The following SCMH1 variants were observed in gnomAD, a reference collection of about 807,000 sequenced individuals.
SCMH1 encodes Scm polycomb group protein homolog 1, also known as polycomb protein SCMH1.
Under a neutral mutation model 70.8 loss-of-function variants are expected in SCMH1, and 37 were observed. The observed-to-expected ratio is 0.52, with a 90% CI of 0.40 to 0.69. The LOEUF is 0.69. Among genes scored for constraint, SCMH1 ranks in the 30% least tolerant of loss-of-function variants. The pLI is 0.00. For synonymous variants in SCMH1, 292 were observed against 307.4 expected (o/e 0.95, Z 0.52); for missense variants, 607 against 827.3 (o/e 0.73, Z 3.27).
chr1:41,144,322 A>T (rs1305985262), intron 5 of SCMH1, among the ~76,000 whole-genome samples: 5 of 152,052 alleles, frequency 3.3e-5, no homozygotes, highest in African/African-American at 1.2e-4. Flanking sequence ...GGATTTACCT[A>T]TTCTGGACAT....
chr1:41,186,342 T>A (rs1650188187), intron 1 of SCMH1, 92 bp from the exon 2 acceptor site: 1 of 391,126 alleles, frequency 2.6e-6, no homozygotes, highest in South Asian at 4.8e-5. Context: ...GGCTACATTA[T>A]AAGAAAAGTA....
chr1:41,211,248 A>C (rs1656953942), intron 1 of SCMH1, among the ~76,000 whole-genome samples: 1 of 152,252 alleles, frequency 6.6e-6, no homozygotes, highest in South Asian at 2.1e-4. Flanking sequence ...AATGGGAGAA[A>C]ATTTCTGCAA....
intron 4 of SCMH1, among the ~76,000 whole-genome samples, chr1:41,155,234 A>G (rs954010540): frequency 6.6e-6 from 1 of 152,230 alleles, no homozygotes; most frequent in Non-Finnish European, 1.5e-5. Context: ...AAATGGCATT[A>G]AAGTACCTTG....
intron 4 of SCMH1, chr1:41,152,494 A>G: frequency 9.7e-6 from 12 of 1,241,348 alleles, no homozygotes; most frequent in Non-Finnish European, 1.4e-5. Flanking sequence ...AAGGGAAAAC[A>G]TCTTAAGGCA....
intron 6 of SCMH1, among the ~76,000 whole-genome samples, chr1:41,117,615 C>A (rs1223813693): frequency 6.6e-6 from 1 of 152,244 alleles, no homozygotes; most frequent in Non-Finnish European, 1.5e-5. Flanking sequence ...CCCTGTGATG[C>A]TGTGCTTCAG....
intron 2 of SCMH1, among the ~76,000 whole-genome samples, chr1:41,179,224 A>G (rs1269743255): frequency 1.3e-5 from 2 of 152,288 alleles, no homozygotes; most frequent in South Asian, 2.1e-4. Context: ...TCTCTGGGAC[A>G]CATTCAAAGC....
intron 10 of SCMH1, among the ~76,000 whole-genome samples, chr1:41,050,504 G>A (rs1012831525): frequency 4.6e-5 from 7 of 152,158 alleles, no homozygotes; most frequent in African/African-American, 1.7e-4. Flanking sequence ...ATTCTAAGGA[G>A]AACCAACATG....
chr1:41,165,194 G>A (rs1434527621), intron 2 of SCMH1, among the ~76,000 whole-genome samples: 2 of 152,066 alleles, frequency 1.3e-5, no homozygotes, highest in African/African-American at 4.8e-5. Flanking sequence ...GTTCATCCAC[G>A]TTGTCAAAAA....
intron 2 of SCMH1, among the ~76,000 whole-genome samples, chr1:41,184,043 T>A (rs888352945): frequency 6.6e-6 from 1 of 152,184 alleles, no homozygotes; most frequent in Non-Finnish European, 1.5e-5. Context: ...ACAATGTGAA[T>A]GTCTTTAGTG....
chr1:41,189,770 T>C (rs994512532), intron 1 of SCMH1, among the ~76,000 whole-genome samples: 4 of 152,218 alleles, frequency 2.6e-5, no homozygotes, highest in Non-Finnish European at 5.9e-5. Flanking sequence ...CTTTAACAAG[T>C]AATGCAGCTA....
At chr1:41,193,534 T>G (rs1045419963) in intron 1 of SCMH1, among the ~76,000 whole-genome samples, 9 of 148,706 alleles carry the variant, frequency 6.1e-5, no homozygotes, top group African/African-American at 2.0e-4. Flanking sequence ...TGGGGGGGGG[T>G]TGAGGAAAGC....
At chr1:41,237,028 C>T (rs1351091587) in intron 1 of SCMH1, among the ~76,000 whole-genome samples, 1 of 152,180 alleles carries the variant, frequency 6.6e-6, no homozygotes, top group African/African-American at 2.4e-5. Context: ...CATTTGAGTG[C>T]CTGATATGTG....
rs760590161 is a variant in SCMH1 at position 41,070,697 on chromosome 1, G to C, written c.1003C>G (p.Pro335Ala). ...CTGGTTGTTGGTGAGGCAGGTGGTG[G>C]GTTCAGCAAAGTCCGAGGTTTCCTC... The change falls in exon 10 of 15, where the codon CCA (proline) becomes GCA (alanine). Residue 335 changes from proline to alanine, a missense_variant. Pro to Ala is a conservative substitution (Grantham distance 27). This residue lies in a region of SCMH1 where 430 missense variants were observed against 528.2 expected (regional missense o/e 0.81). Coordinates refer to ENST00000337495, the Ensembl canonical transcript of SCMH1. 4.3e-6 allele frequency: 7 copies of C among 1,614,062 alleles called. No individual in the cohort carries two copies. The East Asian group carries it at 1.3e-4, about 31-fold the overall frequency.
chr1:41,059,505 C>T (rs527404430), intron 10 of SCMH1, among the ~76,000 whole-genome samples: 46 of 152,276 alleles, frequency 3.0e-4, no homozygotes, highest in African/African-American at 8.9e-4. Flanking sequence ...CCACTCCATC[C>T]CCTTTCCAGC....
intron 8 of SCMH1, among the ~76,000 whole-genome samples, chr1:41,087,968 T>TGTGTGTGTGTGTGTGTG (rs1553238484): frequency 6.7e-4 from 12 of 18,020 alleles, no homozygotes; most frequent in African/African-American, 4.3e-3. Context: ...GTGTGTGTAT[T>TGTGTGTGTGTGTGTGTG]TATTTATGCA....
chr1:41,222,051 C>T (rs1659405903), intron 1 of SCMH1, among the ~76,000 whole-genome samples: 1 of 151,490 alleles, frequency 6.6e-6, no homozygotes, highest in Non-Finnish European at 1.5e-5. Flanking sequence ...AGCATTAAGT[C>T]AAAGAGATAT....
chr1:41,225,325 G>C (rs1660053220), intron 1 of SCMH1, among the ~76,000 whole-genome samples: 1 of 152,132 alleles, frequency 6.6e-6, no homozygotes, highest in African/African-American at 2.4e-5. Flanking sequence ...GGGGAGAAGT[G>C]AGCAAGGAGG....
At chr1:41,094,716 C>T (rs973189575) in intron 8 of SCMH1, among the ~76,000 whole-genome samples, 9 of 151,964 alleles carry the variant, frequency 5.9e-5, no homozygotes, top group South Asian at 2.1e-4. Context: ...TGATGAAACC[C>T]CGTCTCTACT....
chr1:41,123,366 T>C (rs1672413379), intron 6 of SCMH1, among the ~76,000 whole-genome samples: 1 of 152,232 alleles, frequency 6.6e-6, no homozygotes. Context: ...AGTTACTGTA[T>C]ATACTAAAGC....
Sources: allele counts gnomAD v4.1 joint callset (sites outside exome capture counted in the v4.1 genomes callset), GRCh38; gene constraint gnomAD v4.1.1; regional missense constraint gnomAD v4.1.1; transcripts MANE v1.5; gene names NCBI Gene and HGNC (gene_info 2026-07-23, HGNC 2026-07-21).